The following AADAT variants were observed in gnomAD, a reference collection of about 807,000 sequenced individuals.
AADAT encodes the protein aminoadipate aminotransferase, also known as kynurenine/alpha-aminoadipate aminotransferase, mitochondrial.
Under a neutral mutation model 56.2 loss-of-function variants are expected in AADAT, and 25 were observed. That is an observed-to-expected ratio of 0.44 (90% CI 0.32 to 0.62). The LOEUF is 0.62. AADAT is among the 20% of genes least tolerant of loss of function. AADAT has a pLI of 0.04. For missense variants in AADAT, 387 were observed against 510.5 expected (o/e 0.76, Z 2.33); for synonymous variants, 173 against 164.7 (o/e 1.05, Z -0.39).
chr4:170,093,411 G>A (rs1334678397), upstream of AADAT, among the ~76,000 whole-genome samples: 1 of 152,058 alleles, frequency 6.6e-6, no homozygotes, highest in East Asian at 1.9e-4. Flanking sequence ...ACTCCAGTGG[G>A]GGATTGAGCT....
At chr4:170,092,570 A>G (rs925914891), upstream of AADAT, among the ~76,000 whole-genome samples, 1 of 152,186 alleles carries the variant, frequency 6.6e-6, no homozygotes, top group African/African-American at 2.4e-5. Flanking sequence ...AACCCCACCA[A>G]TTCCAGGCAC....
In AADAT at chr4:170,060,888, TATAGGTGTG is replaced by T. The variant is rs1365604153; in HGVS notation, c.*31_*39del. 3.5e-5 allele frequency: 52 copies of T among 1,506,526 alleles called. No individual in the cohort carries two copies. The highest frequency in any genetic ancestry group is 4.5e-5 in the Non-Finnish European group (50 of 1,120,606). 93.3% of individuals were successfully genotyped at this position (1,506,526 alleles called of 1,614,324 possible). A position where few individuals can be genotyped will look rare whatever the true frequency, so the allele number is the denominator to read the frequency against. ...CCTCTGCCTCCCAAAGTGCTGGGAT[TATAGGTGTG>T]AGCCACCATGCCCAACCTAGTTTAA... is the stretch of plus-strand genomic sequence containing the variant. On this transcript the variant is annotated 3_prime_UTR_variant, in exon 13 of 13. Coordinates refer to ENST00000337664, the MANE Select transcript of AADAT (RefSeq NM_016228.4).
At chr4:170,062,608 A>G (rs1385609739) in intron 11 of AADAT, among the ~76,000 whole-genome samples, 1 of 152,206 alleles carries the variant, frequency 6.6e-6, no homozygotes, top group Non-Finnish European at 1.5e-5. Flanking sequence ...TGATGGCCAC[A>G]CAGGCAGACA....
chr4:170,069,271 C>T, intron 6 of AADAT, 41 bp from the exon 7 acceptor site: 1 of 1,487,278 alleles, frequency 6.7e-7, no homozygotes, highest in South Asian at 1.2e-5. Context: ...TCTGAAAGCT[C>T]TGTTAGTCAC....
chr4:170,093,347 T>C (rs1052198000), upstream of AADAT, among the ~76,000 whole-genome samples: 4 of 152,046 alleles, frequency 2.6e-5, no homozygotes, highest in Non-Finnish European at 5.9e-5. Context: ...TGAGCATTTT[T>C]CGAACCCGGG....
intron 3 of AADAT, among the ~76,000 whole-genome samples, chr4:170,086,305 C>T (rs1452450082): frequency 6.6e-6 from 1 of 151,788 alleles, no homozygotes; most frequent in African/African-American, 2.4e-5. Flanking sequence ...CAGATGTGGT[C>T]TCTTTATTGT....
chr4:170,088,167 C>G (rs1405614475), intron 2 of AADAT, among the ~76,000 whole-genome samples: 1 of 151,776 alleles, frequency 6.6e-6, no homozygotes, highest in Non-Finnish European at 1.5e-5. Flanking sequence ...CCTTTCTGTT[C>G]TTAATTATCC....
intron 3 of AADAT, 78 bp from the exon 4 acceptor site, chr4:170,078,661 G>GT: frequency 1.0e-6 from 1 of 970,572 alleles, no homozygotes; most frequent in South Asian, 1.8e-5. Flanking sequence ...CCATTTTTTA[G>GT]TTTGAGCTCA....
chr4:170,088,564 G>A lies in AADAT; in HGVS notation c.68C>T (p.Thr23Ile). The A allele has an allele frequency of 6.2e-7, 1 of 1,604,834 alleles. No individual in the cohort carries two copies. The highest frequency in any genetic ancestry group is 2.2e-5 in the East Asian group (1 of 44,640). Residue 23 changes from threonine to isoleucine, a missense_variant and splice_region_variant, in exon 2 of 13, where the codon ACT (threonine) becomes ATT (isoleucine). Coordinates refer to ENST00000337664, the MANE Select transcript of AADAT (RefSeq NM_016228.4). ...TTTTGGTCCTCTGCTCAATATGTCAGCTACAATACACATGGAAGAGAAGAA... is the reference window on the plus strand; with the variant it reads ...TTTTGGTCCTCTGCTCAATATGTCAACTACAATACACATGGAAGAGAAGAA... Reference protein sequence around the residue: ...ARNPSPIRTMTDILSRGPKSM... With the variant: ...ARNPSPIRTMIDILSRGPKSM...
At chr4:170,077,688 C>T (rs749352267) in intron 4 of AADAT, among the ~76,000 whole-genome samples, 2 of 152,086 alleles carry the variant, frequency 1.3e-5, no homozygotes, top group Admixed American at 6.5e-5. Flanking sequence ...TTATGAAGTC[C>T]GGTAAGGCCA....
Position 170,068,663 on chromosome 4 carries a change from A to G in AADAT, c.828T>C (p.Gly276=). The change falls in exon 8 of 13, where the codon GGT becomes GGC. Residue 276 remains glycine (G), a synonymous_variant. Coordinates refer to ENST00000337664, the MANE Select transcript of AADAT (RefSeq NM_016228.4). Reference sequence around the variant, plus strand: ...TAACTCTCTCTATTAAGGGTTTTGGACCAGTTAAAAATCCTATTCTCAACC... The same window carrying G: ...TAACTCTCTCTATTAAGGGTTTTGGGCCAGTTAAAAATCCTATTCTCAACC... ...SSGLRIGFLT[G]PKPLIERVIL... 6.2e-7 allele frequency: 1 copy of G among 1,603,024 alleles called. No individual in the cohort carries two copies. The highest frequency in any genetic ancestry group is 8.5e-7 in the Non-Finnish European group (1 of 1,177,828).
At chr4:170,071,556 C>T (rs1453278837) in intron 5 of AADAT, among the ~76,000 whole-genome samples, 1 of 152,166 alleles carries the variant, frequency 6.6e-6, no homozygotes, top group Admixed American at 6.5e-5. Context: ...AGAATTTGGG[C>T]TTTATTTTAA....
At chr4:170,093,574 A>G (rs571039864), upstream of AADAT, among the ~76,000 whole-genome samples, 97 of 152,156 alleles carry the variant, frequency 6.4e-4, no homozygotes, top group Non-Finnish European at 1.3e-3. Flanking sequence ...TGTAGTATTT[A>G]TTACTCACAG....
intron 4 of AADAT, among the ~76,000 whole-genome samples, chr4:170,075,228 A>C (rs1731976576): frequency 6.6e-6 from 1 of 152,234 alleles, no homozygotes; most frequent in South Asian, 2.1e-4. Flanking sequence ...ATGTAATCTT[A>C]AATCTTAGGA....
intron 1 of AADAT, 101 bp downstream of exon 1, chr4:170,089,523 C>A: frequency 3.8e-6 from 5 of 1,299,944 alleles, no homozygotes; most frequent in Non-Finnish European, 5.5e-6. Context: ...CACAGGGGTA[C>A]GCATGGATGC....
chr4:170,070,497 G>T, intron 6 of AADAT, 90 bp downstream of exon 6: 1 of 850,884 alleles, frequency 1.2e-6, no homozygotes, highest in South Asian at 1.6e-5. Context: ...GATTAGTTCT[G>T]ACTCAGCAGT....
chr4:170,063,652 A>G (rs926485252), intron 11 of AADAT, among the ~76,000 whole-genome samples: 1 of 152,202 alleles, frequency 6.6e-6, no homozygotes, highest in African/African-American at 2.4e-5. Context: ...GTAGGACTGA[A>G]GTCCAGGCAG....
chr4:170,075,125 G>A (rs1731970609), intron 4 of AADAT, among the ~76,000 whole-genome samples: 1 of 152,128 alleles, frequency 6.6e-6, no homozygotes. Flanking sequence ...TTGGCATACA[G>A]TTTCTGTTTT....
chr4:170,067,407 T>A lies in AADAT; in HGVS notation c.901-19A>T. On this transcript the variant is annotated intron_variant, in intron 8 of 12. Transcript: ENST00000337664. ...TCATGAGCTAAAAGAGATAAAATCA[T>A]AAATACCATGTTTCATCCCCTGAAA... 6.9e-6 allele frequency: 11 copies of A among 1,603,794 alleles called. No individual in the cohort carries two copies. The highest frequency in any genetic ancestry group is 9.4e-6 in the Non-Finnish European group (11 of 1,173,496).
Sources: allele counts gnomAD v4.1 joint callset (sites outside exome capture counted in the v4.1 genomes callset), GRCh38; gene constraint gnomAD v4.1.1; transcripts MANE v1.5; gene names NCBI Gene and HGNC (gene_info 2026-07-23, HGNC 2026-07-21).